CCDC158: variants seen among roughly 807,000 people sequenced by gnomAD.
CCDC158 encodes coiled-coil domain containing 158.
In CCDC158, 116 loss-of-function variants were observed where a neutral mutation model predicts 138.6. That is an observed-to-expected ratio of 0.84 (90% CI 0.72 to 0.98). CCDC158 has a LOEUF of 0.98. CCDC158 is among the 50% of genes least tolerant of loss of function. CCDC158 has a pLI of 0.00. For missense variants in CCDC158, 1,265 were observed against 1,306.1 expected, an observed-to-expected ratio of 0.97 and a Z score of 0.48; for synonymous variants, 436 against 442.4, an observed-to-expected ratio of 0.99 and a Z score of 0.18.
chr4:76,399,810 G>C (rs143371843), intron 3 of CCDC158, among the ~76,000 whole-genome samples: 71 of 152,306 alleles, frequency 4.7e-4, no homozygotes, highest in Non-Finnish European at 9.3e-4. Context: ...AGAGAAAAAG[G>C]CTGAAGATAT....
intron 24 of CCDC158, among the ~76,000 whole-genome samples, chr4:76,322,640 A>G (rs1720133740): frequency 6.6e-6 from 1 of 152,198 alleles, no homozygotes; most frequent in South Asian, 2.1e-4. Flanking sequence ...TGGCATAAAA[A>G]ATGTACTTCA....
intron 18 of CCDC158, among the ~76,000 whole-genome samples, chr4:76,347,168 C>T (rs1176546833): frequency 2.0e-5 from 3 of 152,168 alleles, no homozygotes; most frequent in Non-Finnish European, 4.4e-5. Context: ...CTAGCAATCC[C>T]ATTACTGGGT....
chr4:76,353,091 A>G, intron 16 of CCDC158, 32 bp downstream of exon 16: 1 of 1,550,394 alleles, frequency 6.4e-7, no homozygotes, highest in Non-Finnish European at 8.8e-7. Context: ...TATTTAGTTG[A>G]TAATTACTTC....
intron 12 of CCDC158, among the ~76,000 whole-genome samples, chr4:76,363,634 G>A (rs1002812813): frequency 2.0e-5 from 3 of 152,110 alleles, no homozygotes; most frequent in African/African-American, 2.4e-5. Context: ...TACAGGTAAC[G>A]TGTCTGGGGA....
At chr4:76,350,658 A>T (rs1438220238) in intron 18 of CCDC158, among the ~76,000 whole-genome samples, 1 of 152,216 alleles carries the variant, frequency 6.6e-6, no homozygotes, top group African/African-American at 2.4e-5. Context: ...CATATAGCAA[A>T]TAATTTTCAT....
chr4:76,326,099 G>A (rs2110087248), intron 22 of CCDC158, 84 bp from the exon 23 acceptor site: 1 of 1,119,374 alleles, frequency 8.9e-7, no homozygotes, highest in East Asian at 2.4e-5. Context: ...AAGCTTTCAT[G>A]AGAAAATGTT....
At position 76,321,701 on chromosome 4, in the gene CCDC158, GTA is replaced by G. The variant is rs200861586; in HGVS notation, c.3277+1599_3277+1600del. ...ATATATATATATTTACATGGTGTGT[GTA>G]TATATATATATGATATATTTACATG... On this transcript the variant is annotated intron_variant, in intron 24 of 24. Transcript: ENST00000682701. Among the ~76,000 whole-genome samples, 178 of 142,008 alleles carry G rather than the reference GTA, an allele frequency of 1.3e-3. 3 individuals are homozygous for G. Among genetic ancestry groups the G allele is most frequent in the Admixed American group, 5.6e-3 (78 of 14,004 alleles). 93.2% of individuals were successfully genotyped at this position (142,008 alleles called of 152,430 possible).
intron 21 of CCDC158, among the ~76,000 whole-genome samples, chr4:76,330,702 A>G (rs1720932202): frequency 1.3e-5 from 2 of 152,346 alleles, no homozygotes; most frequent in Middle Eastern, 3.4e-3. Flanking sequence ...CATTTACATT[A>G]TATTAGGTAT....
At chr4:76,402,483 A>T (rs1044226827) in intron 3 of CCDC158, among the ~76,000 whole-genome samples, 1 of 152,032 alleles carries the variant, frequency 6.6e-6, no homozygotes, top group Non-Finnish European at 1.5e-5. Context: ...TGCTTTTCTC[A>T]TTGTCCTTCT....
rs1721222986 is a variant in CCDC158, at chr4:76,333,892, A to C, written c.2822+118T>G. 4.8e-6 allele frequency: 3 copies of C among 625,058 alleles called. No individual in the cohort carries two copies. The Admixed American group carries it at 9.5e-5, about 20-fold the overall frequency. 38.7% of individuals were successfully genotyped at this position (625,058 alleles called of 1,614,324 possible). A position where few individuals can be genotyped will look rare whatever the true frequency, so the allele number is the denominator to read the frequency against. On this transcript the variant is annotated intron_variant, in intron 19 of 24. Transcript: ENST00000682701. ...TTTCATATTATTTTCTGTGGTAGTA[A>C]CTTCAGATACTTTTAAAGTCATTTA...
At chr4:76,375,749 AC>A (rs1221956595) in intron 9 of CCDC158, 1 of 603,900 alleles carries the variant, frequency 1.7e-6, no homozygotes, top group South Asian at 1.9e-5. Context: ...ACAGTAAAAC[AC>A]TTTTGTAAGC....
In CCDC158 at chr4:76,313,252, A is replaced by G; in HGVS notation, c.3278-6T>C. On this transcript the variant is annotated splice_region_variant and splice_polypyrimidine_tract_variant and intron_variant, in intron 24 of 24. Transcript: ENST00000682701. ...TCTGATCATTGAAGACATTGCTGAA[A>G]ATGTTGATAAAACAGTTAGAATAAC... The G allele has an allele frequency of 3.2e-6, 5 of 1,573,012 alleles. No individual in the cohort carries two copies. In the Middle Eastern group the frequency reaches 8.3e-4, roughly 262 times the overall value.
chr4:76,404,433 C>T (rs1243845512), intron 2 of CCDC158, among the ~76,000 whole-genome samples: 1 of 152,038 alleles, frequency 6.6e-6, no homozygotes, highest in Non-Finnish European at 1.5e-5. Context: ...CAAACTGAAC[C>T]CAGTAGGCTC....
intron 12 of CCDC158, among the ~76,000 whole-genome samples, chr4:76,363,076 A>C (rs1479072313): frequency 6.6e-6 from 1 of 152,166 alleles, no homozygotes; most frequent in Admixed American, 6.5e-5. Context: ...CCCTAATAAG[A>C]GTGGCTCAGT....
At chr4:76,412,736 A>T (rs1247362608) in intron 1 of CCDC158, among the ~76,000 whole-genome samples, 1 of 152,172 alleles carries the variant, frequency 6.6e-6, no homozygotes, top group Admixed American at 6.5e-5. Flanking sequence ...GGGTGACAGA[A>T]CGAGACTCCA....
chr4:76,344,616 A>G lies in CCDC158; in HGVS notation c.2664+6380T>C, dbSNP rs997010925. The stretch of plus-strand genomic sequence containing the variant: ...TCAGGTTGACATACCTGATGTGCTC[A>G]GTGAGAGAGATAAAGTCAAATTTAC... On this transcript the variant is annotated intron_variant, in intron 18 of 24. Coordinates refer to ENST00000682701, the MANE Select transcript of CCDC158 (RefSeq NM_001394954.1). 14 of 1,442,770 alleles carry G rather than the reference A, an allele frequency of 9.7e-6. No individual in the cohort carries two copies. In the Admixed American group the frequency reaches 2.2e-4, roughly 22 times the overall value. 89.4% of individuals were successfully genotyped at this position (1,442,770 alleles called of 1,614,324 possible). A position where few individuals can be genotyped will look rare whatever the true frequency, so the allele number is the denominator to read the frequency against.
At chr4:76,413,763 C>A (rs373244746) in intron 1 of CCDC158, among the ~76,000 whole-genome samples, 3 of 152,190 alleles carry the variant, frequency 2.0e-5, no homozygotes, top group African/African-American at 7.2e-5. Flanking sequence ...TCTATGATTT[C>A]CCATGGAAAA....
At chr4:76,364,901 G>A (rs79770586) in intron 12 of CCDC158, among the ~76,000 whole-genome samples, 4,476 of 152,256 alleles carry the variant, frequency 0.029, 222 homozygotes, top group African/African-American at 0.1. Context: ...CTCACTGCCC[G>A]CCTGTGATGG....
intron 12 of CCDC158, among the ~76,000 whole-genome samples, chr4:76,366,638 A>ACACACACAC (rs34680628): frequency 0.024 from 3,618 of 147,924 alleles, 137 homozygotes; most frequent in Admixed American, 0.087. Flanking sequence ...CACACACACA[A>ACACACACAC]ACACACACAC....
Sources: allele counts gnomAD v4.1 joint callset (sites outside exome capture counted in the v4.1 genomes callset), GRCh38; gene constraint gnomAD v4.1.1; transcripts MANE v1.5; gene names NCBI Gene and HGNC (gene_info 2026-07-23, HGNC 2026-07-21).